The following ADAMTS20 variants were observed in gnomAD, a reference collection of about 807,000 sequenced individuals.
ADAMTS20 encodes ADAM metallopeptidase with thrombospondin type 1 motif 20.
A neutral mutation model predicts 260.1 loss-of-function variants in ADAMTS20; 225 were observed. That is an observed-to-expected ratio of 0.87 (90% CI 0.78 to 0.97). The LOEUF (loss-of-function observed/expected upper bound fraction) is 0.97. Ranked by LOEUF, ADAMTS20 falls within the 50% of genes least tolerant of loss-of-function variation. The pLI is 0.00. For synonymous variants in ADAMTS20, 802 were observed against 769.5 expected (o/e 1.04, Z -0.70); for missense variants, 2,400 against 2,337.7 (o/e 1.03, Z -0.55).
At chr12:43,536,072 T>G (rs1290393251) in intron 2 of ADAMTS20, among the ~76,000 whole-genome samples, 1 of 152,010 alleles carries the variant, frequency 6.6e-6, no homozygotes, top group Non-Finnish European at 1.5e-5. Context: ...ACATTATTCA[T>G]TTATATATAT....
chr12:43,399,345 T>A (rs1940765511), intron 28 of ADAMTS20, 112 bp from the exon 29 acceptor site: 1 of 951,744 alleles, frequency 1.1e-6, no homozygotes, highest in African/African-American at 1.7e-5. Flanking sequence ...GATATTTTTA[T>A]GAAGATATGC....
At chr12:43,505,376 C>T (rs1942827177) in intron 3 of ADAMTS20, among the ~76,000 whole-genome samples, 1 of 152,064 alleles carries the variant, frequency 6.6e-6, no homozygotes, top group South Asian at 2.1e-4. Context: ...AAAATATTTA[C>T]AAACTATATA....
In ADAMTS20 at chr12:43,375,376, T is replaced by TA; in HGVS notation, c.5446+2dup. ...GATTTTAAAATATAGATTGAGCACT[T>TA]ACTTTTAATTTGCATGGAAGTGAGA... On this transcript the variant is annotated splice_region_variant and intron_variant, in intron 36 of 38. Transcript: ENST00000389420. 6.2e-7 allele frequency: 1 copy of TA among 1,610,838 alleles called. No homozygotes were observed. The highest frequency in any genetic ancestry group is 1.1e-5 in the South Asian group (1 of 90,506).
intron 6 of ADAMTS20, among the ~76,000 whole-genome samples, chr12:43,491,744 A>G (rs1017309980): frequency 6.6e-6 from 1 of 152,214 alleles, no homozygotes; most frequent in African/African-American, 2.4e-5. Context: ...CGAGGAACAG[A>G]TAAACAGATT....
At chr12:43,524,950 T>C (rs1943121512) in intron 3 of ADAMTS20, among the ~76,000 whole-genome samples, 1 of 152,168 alleles carries the variant, frequency 6.6e-6, no homozygotes, top group Non-Finnish European at 1.5e-5. Flanking sequence ...ACTTTTGAAA[T>C]TTTGTTTAAG....
chr12:43,412,767 TTAGA>T (rs1171023821), intron 28 of ADAMTS20, among the ~76,000 whole-genome samples: 1 of 151,656 alleles, frequency 6.6e-6, no homozygotes, highest in Non-Finnish European at 1.5e-5. Flanking sequence ...GAGGTTGCCC[TTAGA>T]TAGATTCTCT....
chr12:43,371,793 T>A (rs1940114098), intron 36 of ADAMTS20, among the ~76,000 whole-genome samples: 1 of 152,090 alleles, frequency 6.6e-6, no homozygotes. Flanking sequence ...GGTGGAAAGG[T>A]CATGGTGACT....
intron 3 of ADAMTS20, among the ~76,000 whole-genome samples, chr12:43,519,350 A>G (rs566295103): frequency 1.3e-5 from 2 of 152,044 alleles, no homozygotes; most frequent in Non-Finnish European, 2.9e-5. Context: ...TATTTCTACT[A>G]ATTTCTTGCT....
rs1165980684 is a variant in ADAMTS20 at position 43,376,146 on chromosome 12, A to C, written c.5223T>G (p.Ile1741Met). The change falls in exon 35 of 39, where the codon ATT (isoleucine) becomes ATG (methionine). Residue 1741 changes from isoleucine (I) to methionine (M), a missense_variant and splice_region_variant. Ile to Met is a conservative substitution (Grantham distance 10, BLOSUM62 1). Coordinates refer to ENST00000389420, the MANE Select transcript of ADAMTS20 (RefSeq NM_025003.5). The stretch of plus-strand genomic sequence containing the variant: ...TCTCCAAGTACATGTCTGCACAATA[A>C]ATCTAAAGAAAAAATGTAAACATCT... ...YLNIKGRIIK[I>M]YCADMYLENP... 1 of 1,594,818 alleles carries C rather than the reference A, an allele frequency of 6.3e-7. No individual in the cohort carries two copies. The highest frequency in any genetic ancestry group is 1.4e-5 in the African/African-American group (1 of 74,026).
chr12:43,454,162 A>C lies in ADAMTS20; in HGVS notation c.1615-110T>G, dbSNP rs900082931. The C allele has an allele frequency of 4.6e-5, 56 of 1,220,860 alleles. No individual in the cohort carries two copies. In the Middle Eastern group the frequency reaches 1.0e-3, roughly 22 times the overall value. 75.6% of individuals were successfully genotyped at this position (1,220,860 alleles called of 1,614,324 possible). On this transcript the variant is annotated intron_variant, in intron 11 of 38. Transcript: ENST00000389420. ...ACAGAAGAACAAACTAAACAATTTG[A>C]AGCTAGCTGTTATTAATTCAGATTA...
intron 11 of ADAMTS20, among the ~76,000 whole-genome samples, chr12:43,459,112 C>T (rs760087778): frequency 6.6e-6 from 1 of 152,182 alleles, no homozygotes; most frequent in Non-Finnish European, 1.5e-5. Flanking sequence ...TTAAATCTTG[C>T]AGCTGCACTC....
At chr12:43,453,444 CAAT>C (rs1225723561) in intron 12 of ADAMTS20, among the ~76,000 whole-genome samples, 1 of 151,986 alleles carries the variant, frequency 6.6e-6, no homozygotes, top group Non-Finnish European at 1.5e-5. Flanking sequence ...CAGCTAAAGA[CAAT>C]GATGCGTCTA....
chr12:43,498,116 A>G (rs2137439520), intron 4 of ADAMTS20, among the ~76,000 whole-genome samples: 1 of 152,264 alleles, frequency 6.6e-6, no homozygotes, highest in Non-Finnish European at 1.5e-5. Context: ...CTCATTTAAC[A>G]CAAACACTAT....
At chr12:43,462,635 T>C (rs1942083571) in intron 11 of ADAMTS20, among the ~76,000 whole-genome samples, 1 of 152,182 alleles carries the variant, frequency 6.6e-6, no homozygotes, top group Admixed American at 6.5e-5. Context: ...ATAATATACA[T>C]AGATAACTAT....
At chr12:43,507,890 A>G (rs1185776352) in intron 3 of ADAMTS20, among the ~76,000 whole-genome samples, 5 of 152,226 alleles carry the variant, frequency 3.3e-5, no homozygotes, top group African/African-American at 1.2e-4. Context: ...GCAGGAATGG[A>G]AAACCAAATA....
At chr12:43,446,786 A>G in intron 14 of ADAMTS20, 74 bp from the exon 15 acceptor site, 8 of 1,198,010 alleles carry the variant, frequency 6.7e-6, no homozygotes, top group Non-Finnish European at 9.7e-6. Context: ...CCAAATACAT[A>G]CAATCAGATA....
intron 17 of ADAMTS20, 31 bp downstream of exon 17, chr12:43,439,866 C>A: frequency 6.3e-7 from 1 of 1,584,390 alleles, no homozygotes; most frequent in Non-Finnish European, 8.6e-7. Flanking sequence ...TAATTAAATC[C>A]AAGTGTTATT....
chr12:43,368,277 C>T (rs1361626361), intron 37 of ADAMTS20, among the ~76,000 whole-genome samples: 2 of 151,986 alleles, frequency 1.3e-5, no homozygotes, highest in South Asian at 2.1e-4. Context: ...TAAATCACTC[C>T]CTGACCTAAA....
intron 31 of ADAMTS20, among the ~76,000 whole-genome samples, chr12:43,381,217 T>C (rs912865898): frequency 6.6e-6 from 1 of 152,124 alleles, no homozygotes; most frequent in African/African-American, 2.4e-5. Context: ...TAACTCAAAA[T>C]GTATCAAACT....
Sources: gnomAD v4.1 joint callset for allele counts (sites outside exome capture counted in the v4.1 genomes callset) on GRCh38, gnomAD v4.1.1 for gene constraint, MANE v1.5 for transcripts, NCBI Gene and HGNC (gene_info 2026-07-23, HGNC 2026-07-21) for gene names.